Variants in STK39 observed in about 807,000 individuals in gnomAD.
STK39 encodes the protein STE20/SPS1-related proline-alanine-rich protein kinase.
STK39 carries 20 observed loss-of-function variants against 77.8 expected under a neutral mutation model. That is an observed-to-expected ratio of 0.26 (90% CI 0.18 to 0.37). The LOEUF (loss-of-function observed/expected upper bound fraction) is 0.37, where lower values mean the gene tolerates loss of function less well. Among genes scored for constraint, STK39 ranks in the 10% least tolerant of loss-of-function variants. The pLI is 1.00. For missense variants in STK39, 479 were observed against 656.5 expected (o/e 0.73, Z 2.95); for synonymous variants, 246 against 234.1 (o/e 1.05, Z -0.47).
intron 16 of STK39, among the ~76,000 whole-genome samples, chr2:167,974,240 T>G (rs1477346887): frequency 6.6e-6 from 1 of 152,122 alleles, no homozygotes; most frequent in African/African-American, 2.4e-5. Context: ...CTTTAAAAAT[T>G]TTTTGAGTCA....
chr2:168,211,544 G>C (rs1193104987), intron 1 of STK39, among the ~76,000 whole-genome samples: 2 of 152,202 alleles, frequency 1.3e-5, no homozygotes, highest in African/African-American at 4.8e-5. Flanking sequence ...TGAGTTCTGG[G>C]TAATATTTGA....
intron 16 of STK39, among the ~76,000 whole-genome samples, chr2:167,982,301 AATTTT>A (rs1559043390): frequency 6.6e-6 from 1 of 152,196 alleles, no homozygotes; most frequent in African/African-American, 2.4e-5. Flanking sequence ...TTAAGTGCTG[AATTTT>A]TTTTCTCCAG....
intron 16 of STK39, among the ~76,000 whole-genome samples, chr2:168,000,600 G>C (rs576478335): frequency 6.6e-6 from 1 of 152,334 alleles, no homozygotes; most frequent in African/African-American, 2.4e-5. Flanking sequence ...AAAATAGTTA[G>C]AAGGATATGT....
chr2:167,962,791 T>G (rs1013591067), intron 17 of STK39, among the ~76,000 whole-genome samples: 1 of 152,142 alleles, frequency 6.6e-6, no homozygotes, highest in South Asian at 2.1e-4. Flanking sequence ...GCCTCCAAGA[T>G]GAATGGCTGT....
intron 1 of STK39, among the ~76,000 whole-genome samples, chr2:168,223,930 G>A (rs1275130729): frequency 6.6e-6 from 1 of 152,040 alleles, no homozygotes; most frequent in East Asian, 1.9e-4. Flanking sequence ...TTTTTCTAAA[G>A]GTTGCTCTAC....
chr2:168,043,190 C>T (rs1478433971), intron 14 of STK39, among the ~76,000 whole-genome samples: 1 of 152,124 alleles, frequency 6.6e-6, no homozygotes, highest in Non-Finnish European at 1.5e-5. Context: ...AGTATGTTTT[C>T]CTTTATCATT....
chr2:168,093,366 C>T (rs1244072768), intron 10 of STK39, among the ~76,000 whole-genome samples: 5 of 152,138 alleles, frequency 3.3e-5, no homozygotes, highest in South Asian at 2.1e-4. Flanking sequence ...TGGCAGAAGG[C>T]GTGGGAGGAG....
intron 1 of STK39, among the ~76,000 whole-genome samples, chr2:168,197,241 G>C (rs1017325681): frequency 8.5e-5 from 13 of 152,212 alleles, no homozygotes; most frequent in Non-Finnish European, 1.6e-4. Flanking sequence ...AGGACTTGCT[G>C]ATAGATTGGA....
At chr2:168,242,688 G>T (rs1036056164) in intron 1 of STK39, among the ~76,000 whole-genome samples, 1 of 148,694 alleles carries the variant, frequency 6.7e-6, no homozygotes, top group Non-Finnish European at 1.5e-5. Context: ...TTCAAGAGCA[G>T]CTTGGGCAAC....
intron 16 of STK39, among the ~76,000 whole-genome samples, chr2:167,980,755 T>C (rs78654304): frequency 8.8e-4 from 27 of 30,750 alleles, no homozygotes; most frequent in African/African-American, 5.9e-3. Flanking sequence ...TTGTTGTTGT[T>C]TTTTTTTTTT....
intron 10 of STK39, among the ~76,000 whole-genome samples, chr2:168,124,676 G>A (rs1198482955): frequency 1.3e-5 from 2 of 152,162 alleles, no homozygotes; most frequent in African/African-American, 2.4e-5. Context: ...TGGGATTACA[G>A]GTGTGAGCCA....
Position 168,247,374 on chromosome 2 carries a change from G to C in STK39, c.62C>G (p.Thr21Arg), listed in dbSNP as rs767710354. The part of the protein sequence containing the change: ...VQLPQQAAPV[T>R]AAAAAAPAAA... ...CGCCGGGGCCGCCGCCGCCGCCGCT[G>C]TCACCGGGGCCGCCTGCTGGGGAAG... Residue 21 changes from threonine to arginine, a missense_variant, in exon 1 of 18, where the codon ACA becomes AGA. Coordinates refer to ENST00000355999, the MANE Select transcript of STK39 (RefSeq NM_013233.3). 3.4e-5 allele frequency: 35 copies of C among 1,016,028 alleles called. No individual in the cohort carries two copies. The highest frequency in any genetic ancestry group is 4.1e-5 in the Non-Finnish European group (34 of 820,012). The allele number at this position is 1,016,028 out of a possible 1,614,324, so 62.9% of individuals were successfully genotyped here.
intron 1 of STK39, among the ~76,000 whole-genome samples, chr2:168,235,592 T>G (rs1004338795): frequency 4.1e-5 from 6 of 145,320 alleles, no homozygotes; most frequent in African/African-American, 1.5e-4. Flanking sequence ...CTCCTAATGC[T>G]ATCCCTCCCC....
At chr2:168,043,293 T>G (rs1318467970) in intron 14 of STK39, among the ~76,000 whole-genome samples, 1 of 119,454 alleles carries the variant, frequency 8.4e-6, no homozygotes, top group Non-Finnish European at 1.9e-5. Flanking sequence ...GTGTTCTATT[T>G]ATTACTCATT....
chr2:168,072,269 A>C (rs1278029757), intron 12 of STK39, among the ~76,000 whole-genome samples: 1 of 152,242 alleles, frequency 6.6e-6, no homozygotes, highest in Non-Finnish European at 1.5e-5. Flanking sequence ...GTTCAAACTG[A>C]TGACTTCTGT....
At chr2:168,145,161 G>T (rs148797565) in intron 5 of STK39, among the ~76,000 whole-genome samples, 93 of 152,236 alleles carry the variant, frequency 6.1e-4, no homozygotes, top group African/African-American at 2.0e-3. Flanking sequence ...AGTCCAACAG[G>T]AAACAAATTC....
chr2:167,967,632 C>A (rs1692194831), intron 16 of STK39, among the ~76,000 whole-genome samples: 1 of 152,026 alleles, frequency 6.6e-6, no homozygotes, highest in South Asian at 2.1e-4. Flanking sequence ...CTCAGTACTT[C>A]CCTGAATCTA....
intron 14 of STK39, among the ~76,000 whole-genome samples, chr2:168,018,332 T>G (rs1684467435): frequency 6.6e-6 from 1 of 151,948 alleles, no homozygotes; most frequent in African/African-American, 2.4e-5. Context: ...AAACCCCATC[T>G]CTACTAAAAA....
Position 168,081,170 on chromosome 2 carries a change from A to G in STK39, c.1090-5939T>C, listed in dbSNP as rs1006072319. ...CTCCAGACCCCAGAATGGTAGATCC[A>G]CCTACAGCTTGCACCATGGGCCTGG... On this transcript the variant is annotated intron_variant, in intron 10 of 17. Transcript: ENST00000355999. 3.9e-5 allele frequency among the ~76,000 whole-genome samples: 6 copies of G among 152,134 alleles called. No homozygotes were observed. The South Asian group carries it at 1.2e-3, about 32-fold the overall frequency.
Sources: allele counts gnomAD v4.1 joint callset (sites outside exome capture counted in the v4.1 genomes callset), GRCh38; gene constraint gnomAD v4.1.1; transcripts MANE v1.5; gene names NCBI Gene and HGNC (gene_info 2026-07-23, HGNC 2026-07-21).